The following TMBIM6 variants were observed in gnomAD, a reference collection of about 807,000 sequenced individuals.
The protein encoded by TMBIM6 is transmembrane BAX inhibitor motif containing 6.
A neutral mutation model predicts 31.4 loss-of-function variants in TMBIM6; 13 were observed. The ratio of observed to expected loss-of-function variants is 0.41; its 90% confidence interval spans 0.27 to 0.66. The LOEUF (loss-of-function observed/expected upper bound fraction) is 0.66, where lower values mean the gene tolerates loss of function less well. Ranked by LOEUF, TMBIM6 falls within the 30% of genes least tolerant of loss-of-function variation. TMBIM6 has a pLI of 0.28. For synonymous variants in TMBIM6, 85 were observed against 101.7 expected (o/e 0.84, Z 0.99); for missense variants, 275 against 289.5 (o/e 0.95, Z 0.36).
intron 1 of TMBIM6, chr12:49,743,299 A>G (rs1168942089): frequency 2.0e-5 from 3 of 151,458 alleles, no homozygotes; most frequent in South Asian, 2.1e-4. Flanking sequence ...CAGTGGTGCA[A>G]TCTCGGCTCA....
chr12:49,748,635 A>T (rs1945439418), intron 1 of TMBIM6, among the ~76,000 whole-genome samples: 1 of 152,210 alleles, frequency 6.6e-6, no homozygotes, highest in South Asian at 2.1e-4. Context: ...TCTGAATGAA[A>T]TTAGAGGAAT....
intron 3 of TMBIM6, 133 bp from the exon 4 acceptor site, chr12:49,755,501 CT>C (rs2136949682): frequency 1.7e-6 from 2 of 1,154,424 alleles, no homozygotes; most frequent in African/African-American, 1.6e-5. Flanking sequence ...GAAAACACTA[CT>C]TTTTCTCCTG....
In TMBIM6 at chr12:49,752,979, G is replaced by A. The variant is rs187664134; in HGVS notation, c.63G>A (p.Pro21=). Residue 21 remains proline (P), a synonymous_variant, in exon 3 of 10, where the codon CCG becomes CCA. Transcript: ENST00000267115. The part of the protein sequence containing the change: ...DALLKFSHIT[P]STQQHLKKVY... ...ATTCACATTCTTTTCTTAGAACCCC[G>A]TCAACGCAGCAGCACCTGAAGAAGG... is the stretch of plus-strand genomic sequence containing the variant. 26 of 1,613,468 alleles carry A rather than the reference G, an allele frequency of 1.6e-5. No homozygotes were observed. Among genetic ancestry groups the A allele is most frequent in the Admixed American group, 1.2e-4 (7 of 59,848 alleles).
chr12:49,762,975 G>A lies in TMBIM6; in HGVS notation c.*79G>A, dbSNP rs28932169. ...CCTTTTTGCACACATTACAGGTGGT[G>A]TGTTCTGTGATAATGAAAAGCATCA... On this transcript the variant is annotated 3_prime_UTR_variant, in exon 10 of 10. Coordinates refer to ENST00000267115, the MANE Select transcript of TMBIM6 (RefSeq NM_003217.3). The A allele has an allele frequency of 4.5e-3, 6,569 of 1,464,856 alleles. 28 individuals are homozygous for A. The highest frequency in any genetic ancestry group is 5.1e-3 in the Non-Finnish European group (5,430 of 1,056,134). 90.7% of individuals were successfully genotyped at this position (1,464,856 alleles called of 1,614,324 possible).
intron 1 of TMBIM6, chr12:49,742,296 T>C (rs765626813): frequency 1.3e-6 from 2 of 1,567,844 alleles, no homozygotes; most frequent in Non-Finnish European, 1.7e-6. Context: ...GTGGCTTTGC[T>C]TTGCTTGGTC....
intron 1 of TMBIM6, chr12:49,742,262 A>T (rs1945311049): frequency 6.2e-7 from 1 of 1,605,946 alleles, no homozygotes; most frequent in African/African-American, 1.3e-5. Flanking sequence ...CTCTTTTCGG[A>T]TTGGTTACCT....
chr12:49,745,447 A>G (rs1473041400), intron 1 of TMBIM6, among the ~76,000 whole-genome samples: 1 of 152,122 alleles, frequency 6.6e-6, no homozygotes, highest in Non-Finnish European at 1.5e-5. Context: ...ACTTCAGGCC[A>G]GGCATGGTGG....
intron 1 of TMBIM6, chr12:49,742,299 G>A (rs201363669): frequency 3.2e-6 from 5 of 1,561,856 alleles, no homozygotes; most frequent in East Asian, 2.3e-5. Flanking sequence ...GCTTTGCTTT[G>A]CTTGGTCTTG....
At chr12:49,753,407 C>T (rs937133338) in intron 3 of TMBIM6, among the ~76,000 whole-genome samples, 1 of 152,180 alleles carries the variant, frequency 6.6e-6, no homozygotes, top group Non-Finnish European at 1.5e-5. Flanking sequence ...TTCCTCCATT[C>T]TTCCTTTACA....
chr12:49,748,347 C>T (rs1207234861), intron 1 of TMBIM6, among the ~76,000 whole-genome samples: 1 of 152,148 alleles, frequency 6.6e-6, no homozygotes, highest in East Asian at 1.9e-4. Flanking sequence ...GCTAAGAATG[C>T]CTGTCTCCTC....
intron 1 of TMBIM6, among the ~76,000 whole-genome samples, chr12:49,743,718 T>G (rs2136924005): frequency 6.6e-6 from 1 of 152,332 alleles, no homozygotes; most frequent in South Asian, 2.1e-4. Flanking sequence ...AGATTTGTTT[T>G]CACCTATGGC....
chr12:49,742,416 T>TACAC, intron 1 of TMBIM6: 3 of 1,235,122 alleles, frequency 2.4e-6, no homozygotes, highest in Non-Finnish European at 1.1e-6. Context: ...CTTTGGTATC[T>TACAC]TTGTATATTT....
At chr12:49,747,372 G>C (rs952320335) in intron 1 of TMBIM6, among the ~76,000 whole-genome samples, 2 of 152,096 alleles carry the variant, frequency 1.3e-5, no homozygotes, top group South Asian at 4.2e-4. Flanking sequence ...GAAGCAACAT[G>C]ATGATGGCTC....
At position 49,753,034 on chromosome 12, in the gene TMBIM6, G is replaced by T; in HGVS notation, c.118G>T (p.Val40Leu). ...VYASFALCMFVAAAGAYVHMV... is the reference protein window; with the variant it reads ...VYASFALCMFLAAAGAYVHMV... The stretch of plus-strand genomic sequence containing the variant: ...TGCAAGTTTTGCCCTTTGTATGTTT[G>T]TGGCGGCTGCAGGGGCCTATGTCCA... The change falls in exon 3 of 10, where the codon GTG becomes TTG. Residue 40 changes from valine (V) to leucine (L), a missense_variant. Val to Leu is a conservative substitution (Grantham distance 32). Transcript: ENST00000267115. The T allele has an allele frequency of 6.2e-7, 1 of 1,614,096 alleles. No homozygotes were observed. The highest frequency in any genetic ancestry group is 8.5e-7 in the Non-Finnish European group (1 of 1,179,998).
intron 1 of TMBIM6, among the ~76,000 whole-genome samples, chr12:49,743,900 C>T (rs999285850): frequency 3.3e-5 from 5 of 152,134 alleles, no homozygotes; most frequent in Admixed American, 3.3e-4. Context: ...TAGTACTTTA[C>T]GTTGATTTCA....
At chr12:49,743,498 T>A (rs897056) in intron 1 of TMBIM6, 37,364 of 151,852 alleles carry the variant, frequency 0.25, 7,377 homozygotes, top group African/African-American at 0.56. Flanking sequence ...ACCTCCCAAA[T>A]TGCTAGGATT....
At chr12:49,742,053 G>C in intron 1 of TMBIM6, 1 of 1,538,790 alleles carries the variant, frequency 6.5e-7, no homozygotes, top group Non-Finnish European at 8.7e-7. Context: ...ATTGCTGTTC[G>C]GCTGCGGGCG....
At chr12:49,745,917 ATGTTTG>A (rs1945384104) in intron 1 of TMBIM6, among the ~76,000 whole-genome samples, 2 of 152,138 alleles carry the variant, frequency 1.3e-5, no homozygotes, top group Non-Finnish European at 2.9e-5. Context: ...TTAAGCTATA[ATGTTTG>A]GTAGGTTATA....
At chr12:49,742,081 G>A (rs1259856610) in intron 1 of TMBIM6, 2 of 1,581,066 alleles carry the variant, frequency 1.3e-6, no homozygotes, top group Non-Finnish European at 1.7e-6. Context: ...TGGTCGGGCT[G>A]ACCCTGGGTG....
Sources: gnomAD v4.1 joint callset for allele counts (sites outside exome capture counted in the v4.1 genomes callset) on GRCh38, gnomAD v4.1.1 for gene constraint, MANE v1.5 for transcripts, NCBI Gene and HGNC (gene_info 2026-07-23, HGNC 2026-07-21) for gene names.